The following ANKFY1 variants were observed in gnomAD, a reference collection of about 807,000 sequenced individuals.
ANKFY1 encodes the protein ankyrin repeat and FYVE domain-containing protein 1.
Under a neutral mutation model 128.3 loss-of-function variants are expected in ANKFY1, and 47 were observed. The observed-to-expected ratio is 0.37, with a 90% CI of 0.29 to 0.47. The LOEUF (loss-of-function observed/expected upper bound fraction) is 0.47, where lower values mean the gene tolerates loss of function less well. Ranked by LOEUF, ANKFY1 falls within the 20% of genes least tolerant of loss-of-function variation. ANKFY1 has a pLI of 1.00. For synonymous variants in ANKFY1, 553 were observed against 601.6 expected (o/e 0.92, Z 1.18); for missense variants, 1,222 against 1,510.6 (o/e 0.81, Z 3.17).
At chr17:4,212,188 C>CT (rs1432694160) in intron 4 of ANKFY1, among the ~76,000 whole-genome samples, 1 of 152,212 alleles carries the variant, frequency 6.6e-6, no homozygotes, top group Non-Finnish European at 1.5e-5. Flanking sequence ...TCACAGACGA[C>CT]TAGTATGGTT....
chr17:4,203,490 A>G (rs555179278), intron 7 of ANKFY1, among the ~76,000 whole-genome samples: 1 of 152,248 alleles, frequency 6.6e-6, no homozygotes, highest in East Asian at 1.9e-4. Context: ...ATCATTTTCA[A>G]ATTTACTAAA....
chr17:4,217,238 T>C, intron 3 of ANKFY1, 120 bp from the exon 4 acceptor site: 1 of 1,111,250 alleles, frequency 9.0e-7, no homozygotes, highest in South Asian at 1.6e-5. Context: ...CTTAAAGGAA[T>C]ATTACACAGT....
At chr17:4,233,677 C>T (rs2060553038) in intron 3 of ANKFY1, among the ~76,000 whole-genome samples, 1 of 152,194 alleles carries the variant, frequency 6.6e-6, no homozygotes, top group Non-Finnish European at 1.5e-5. Flanking sequence ...TGAAACCTTC[C>T]TTTATCACCC....
chr17:4,179,930 G>A, intron 16 of ANKFY1, 53 bp from the exon 17 acceptor site: 2 of 1,600,964 alleles, frequency 1.2e-6, no homozygotes, highest in African/African-American at 1.3e-5. Context: ...CTGGCGTATA[G>A]GCATGCTGAT....
chr17:4,179,996 C>G (rs1309350386), intron 16 of ANKFY1, 119 bp from the exon 17 acceptor site: 1 of 1,296,178 alleles, frequency 7.7e-7, no homozygotes, highest in Non-Finnish European at 1.1e-6. Flanking sequence ...GTGGCCGGGT[C>G]TGCTGTCCTT....
At position 4,167,781 on chromosome 17, in the gene ANKFY1, A is replaced by G. The variant is rs1247902427; in HGVS notation, c.3508T>C (p.Ter1170GlnextTer1). Reference protein sequence around the residue: ...FDVLTLGGVS* With the variant: ...FDVLTLGGVSQ ...GCCTGGACCCTCCGGGGGGCTCACTAAGAAACCCCACCCAGAGTCAGTACA... is the reference window on the plus strand; with the variant it reads ...GCCTGGACCCTCCGGGGGGCTCACTGAGAAACCCCACCCAGAGTCAGTACA... The change falls in exon 25 of 25, where the codon TAG becomes CAG. Residue 1170 changes from the stop codon to glutamine, a stop_lost. Coordinates refer to ENST00000341657, the MANE Select transcript of ANKFY1 (RefSeq NM_001330063.2). The surrounding 1 kb of genome is among the most constrained non-coding windows in gnomAD (Gnocchi z 4.1). 6.2e-7 allele frequency: 1 copy of G among 1,613,108 alleles called. No individual in the cohort carries two copies.
At chr17:4,216,937 C>T in intron 4 of ANKFY1, 46 bp downstream of exon 4, 1 of 1,612,360 alleles carries the variant, frequency 6.2e-7, no homozygotes, top group Admixed American at 1.7e-5. Flanking sequence ...AATTAAAGCT[C>T]AGCCACCACC....
At chr17:4,189,843 A>G (rs149002201) in intron 10 of ANKFY1, among the ~76,000 whole-genome samples, 3 of 149,646 alleles carry the variant, frequency 2.0e-5, no homozygotes, top group African/African-American at 7.7e-5. Flanking sequence ...TACTCTCTGT[A>G]TGTGGACACA....
chr17:4,183,678 T>A, intron 13 of ANKFY1, 127 bp from the exon 14 acceptor site: 1 of 1,417,972 alleles, frequency 7.1e-7, no homozygotes, highest in Non-Finnish European at 9.7e-7. Context: ...CAGGCTTAAC[T>A]CAAACAGAAA....
chr17:4,224,713 A>G (rs2060394152), intron 3 of ANKFY1, among the ~76,000 whole-genome samples: 1 of 152,190 alleles, frequency 6.6e-6, no homozygotes, highest in Admixed American at 6.5e-5. Flanking sequence ...TTTTTGGGAA[A>G]GCAGGAACTG....
At chr17:4,195,287 T>TG in intron 9 of ANKFY1, 110 bp from the exon 10 acceptor site, 1 of 1,440,432 alleles carries the variant, frequency 6.9e-7, no homozygotes, top group South Asian at 1.3e-5. Context: ...CATTTTTTTT[T>TG]AGCTCACTTT....
Position 4,174,062 on chromosome 17 carries a change from G to C in ANKFY1, c.2776-6C>G, listed in dbSNP as rs1210728830. 1 of 1,613,456 alleles carries C rather than the reference G, an allele frequency of 6.2e-7. No individual in the cohort carries two copies. The highest frequency in any genetic ancestry group is 8.5e-7 in the Non-Finnish European group (1 of 1,179,686). ...ACTTTGGCTCCCGCAAGAAGCTGTT[G>C]AAGTTCATTACATGAACAGTCAGTC... On this transcript the variant is annotated splice_region_variant and splice_polypyrimidine_tract_variant and intron_variant, in intron 19 of 24. Coordinates refer to ENST00000341657, the MANE Select transcript of ANKFY1 (RefSeq NM_001330063.2).
chr17:4,203,653 T>C (rs1180358167), intron 7 of ANKFY1, among the ~76,000 whole-genome samples: 1 of 151,288 alleles, frequency 6.6e-6, no homozygotes, highest in East Asian at 1.9e-4. Context: ...CAGTCTCTAC[T>C]AAAAATACAA....
At chr17:4,212,716 G>A (rs1465370992) in intron 4 of ANKFY1, among the ~76,000 whole-genome samples, 1 of 151,912 alleles carries the variant, frequency 6.6e-6, no homozygotes, top group African/African-American at 2.4e-5. Context: ...AATGGGTGAT[G>A]GCAGAAGAAA....
chr17:4,201,782 C>T (rs1265677320), intron 7 of ANKFY1, among the ~76,000 whole-genome samples: 1 of 152,138 alleles, frequency 6.6e-6, no homozygotes, highest in Non-Finnish European at 1.5e-5. Context: ...TAAAGCACTG[C>T]AGGCAGCAGG....
chr17:4,173,521 A>C, intron 20 of ANKFY1, 77 bp from the exon 21 acceptor site: 2 of 1,372,074 alleles, frequency 1.5e-6, no homozygotes, highest in Non-Finnish European at 2.1e-6. Context: ...ACCCTCACAG[A>C]CCTCTCTGTA....
chr17:4,168,050 C>G lies in ANKFY1; in HGVS notation c.3378-139G>C, dbSNP rs773251816. The G allele has an allele frequency of 1.4e-5, 12 of 854,136 alleles. No homozygotes were observed. In the East Asian group the frequency reaches 3.3e-4, roughly 23 times the overall value. 52.9% of individuals were successfully genotyped at this position (854,136 alleles called of 1,614,324 possible). ...CTGGCAACTCTGCCAACTGCCAGCC[C>G]GGTTACCACAATTCATGTAGAATTT... On this transcript the variant is annotated intron_variant, in intron 24 of 24. Transcript: ENST00000341657.
chr17:4,215,317 T>G (rs2060203258), intron 4 of ANKFY1, among the ~76,000 whole-genome samples: 1 of 151,894 alleles, frequency 6.6e-6, no homozygotes, highest in Non-Finnish European at 1.5e-5. Flanking sequence ...TAAGAGTATT[T>G]TCTTCAGTGT....
intron 3 of ANKFY1, among the ~76,000 whole-genome samples, chr17:4,232,301 A>G (rs2060526218): frequency 6.6e-6 from 1 of 152,148 alleles, no homozygotes; most frequent in South Asian, 2.1e-4. Flanking sequence ...GGTATCACAT[A>G]ACACACAGGC....
Sources: gnomAD v4.1 joint callset for allele counts (sites outside exome capture counted in the v4.1 genomes callset) on GRCh38, gnomAD v4.1.1 for gene constraint, Gnocchi (gnomAD v3.1) non-coding constraint, MANE v1.5 for transcripts, NCBI Gene and HGNC (gene_info 2026-07-23, HGNC 2026-07-21) for gene names.